WDR72: variants seen among roughly 807,000 people sequenced by gnomAD.
The protein encoded by WDR72 is WD repeat-containing protein 72.
Under a neutral mutation model 124.2 loss-of-function variants are expected in WDR72, and 120 were observed. That is an observed-to-expected ratio of 0.97 (90% CI 0.83 to 1.12). WDR72 has a LOEUF of 1.12. Among genes scored for constraint, WDR72 ranks in the 50% most tolerant of loss-of-function variants. The pLI is 0.00. For synonymous variants in WDR72, 452 were observed against 441.7 expected, an observed-to-expected ratio of 1.02 and a Z score of -0.29; for missense variants, 1,387 against 1,278.8, an observed-to-expected ratio of 1.08 and a Z score of -1.29.
chr15:53,733,204 T>C, intron 1 of WDR72, 43 bp from the exon 2 acceptor site: 1 of 1,607,398 alleles, frequency 6.2e-7, no homozygotes, highest in Non-Finnish European at 8.5e-7. Context: ...GTCATCTTTT[T>C]GAAATTTGAG....
At chr15:53,674,502 C>T (rs2016098043) in intron 13 of WDR72, among the ~76,000 whole-genome samples, 1 of 152,082 alleles carries the variant, frequency 6.6e-6, no homozygotes, top group Admixed American at 6.5e-5. Flanking sequence ...GATGGGGGTT[C>T]CCACCACAAA....
At chr15:53,698,634 G>T (rs1243105708) in intron 13 of WDR72, among the ~76,000 whole-genome samples, 2 of 152,086 alleles carry the variant, frequency 1.3e-5, no homozygotes, top group Non-Finnish European at 2.9e-5. Flanking sequence ...AGGCTTTAGG[G>T]CCTATTTTAT....
intron 17 of WDR72, among the ~76,000 whole-genome samples, chr15:53,602,478 C>A (rs994856769): frequency 6.6e-6 from 1 of 151,546 alleles, no homozygotes; most frequent in African/African-American, 2.4e-5. Flanking sequence ...CCAGAAATAA[C>A]CAAAATCAGA....
At chr15:53,648,630 A>G (rs2015126450) in intron 14 of WDR72, among the ~76,000 whole-genome samples, 1 of 152,176 alleles carries the variant, frequency 6.6e-6, no homozygotes, top group Admixed American at 6.6e-5. Context: ...GTGTATTCAC[A>G]TAACGAATAA....
At chr15:53,642,851 A>G (rs2014903256) in intron 14 of WDR72, among the ~76,000 whole-genome samples, 1 of 152,076 alleles carries the variant, frequency 6.6e-6, no homozygotes, top group Non-Finnish European at 1.5e-5. Context: ...GTACAATGTA[A>G]ATGCTATTTT....
At chr15:53,750,105 C>G (rs1209763195) in intron 1 of WDR72, among the ~76,000 whole-genome samples, 1 of 152,054 alleles carries the variant, frequency 6.6e-6, no homozygotes, top group African/African-American at 2.4e-5. Context: ...GATGAAACAC[C>G]TTTTTATTGG....
At chr15:53,700,253 T>C (rs2017131414) in intron 12 of WDR72, among the ~76,000 whole-genome samples, 1 of 152,148 alleles carries the variant, frequency 6.6e-6, no homozygotes, top group South Asian at 2.1e-4. Flanking sequence ...ACATCGGAAA[T>C]AATGCAGAAT....
intron 13 of WDR72, among the ~76,000 whole-genome samples, chr15:53,673,852 G>A (rs1384891051): frequency 3.3e-5 from 5 of 152,020 alleles, no homozygotes; most frequent in Non-Finnish European, 5.9e-5. Flanking sequence ...TTAGCCAGGC[G>A]TGGTGCTGCA....
At chr15:53,624,147 T>C (rs745877947) in intron 14 of WDR72, among the ~76,000 whole-genome samples, 1 of 152,150 alleles carries the variant, frequency 6.6e-6, no homozygotes, top group Non-Finnish European at 1.5e-5. Context: ...TAAGAAGGTA[T>C]GCATATAGCG....
intron 18 of WDR72, among the ~76,000 whole-genome samples, chr15:53,545,848 G>T (rs1462286058): frequency 4.9e-4 from 62 of 127,728 alleles, no homozygotes; most frequent in African/African-American, 1.9e-3. Flanking sequence ...CAAAAAGTGG[G>T]CGAAGGACAT....
intron 18 of WDR72, among the ~76,000 whole-genome samples, chr15:53,593,986 T>C (rs1001496512): frequency 2.0e-5 from 3 of 151,990 alleles, no homozygotes; most frequent in African/African-American, 7.2e-5. Context: ...AACATGAACA[T>C]TTTAAAAATG....
At chr15:53,736,839 T>G (rs1033936135) in intron 1 of WDR72, among the ~76,000 whole-genome samples, 1 of 152,076 alleles carries the variant, frequency 6.6e-6, no homozygotes, top group Non-Finnish European at 1.5e-5. Flanking sequence ...CATAACAGAC[T>G]GATGGCAAAT....
At chr15:53,749,522 A>G (rs913035879) in intron 1 of WDR72, among the ~76,000 whole-genome samples, 1 of 152,114 alleles carries the variant, frequency 6.6e-6, no homozygotes, top group African/African-American at 2.4e-5. Flanking sequence ...ACACTATTAA[A>G]ATTAGGTCAA....
intron 12 of WDR72, among the ~76,000 whole-genome samples, chr15:53,700,684 C>T (rs1279053646): frequency 6.6e-6 from 1 of 152,128 alleles, no homozygotes; most frequent in East Asian, 1.9e-4. Flanking sequence ...CATCATTAAC[C>T]TCTCTGGAGG....
intron 18 of WDR72, among the ~76,000 whole-genome samples, chr15:53,582,835 G>A (rs2012003256): frequency 6.6e-6 from 1 of 151,742 alleles, no homozygotes; most frequent in South Asian, 2.1e-4. Flanking sequence ...CTAATAGTTG[G>A]CTTTTATAAT....
chr15:53,620,966 A>T (rs911487448), intron 14 of WDR72, among the ~76,000 whole-genome samples: 2 of 152,148 alleles, frequency 1.3e-5, no homozygotes, highest in African/African-American at 4.8e-5. Context: ...AAATACAAAC[A>T]ATTCCATCAA....
intron 3 of WDR72, among the ~76,000 whole-genome samples, 163 bp downstream of exon 3, chr15:53,722,639 T>C (rs1185328010): frequency 6.6e-6 from 1 of 152,180 alleles, no homozygotes; most frequent in Non-Finnish European, 1.5e-5. Flanking sequence ...TTCCTTGGGA[T>C]CATCACACAA....
At chr15:53,692,663 G>A (rs1192895760) in intron 13 of WDR72, among the ~76,000 whole-genome samples, 1 of 152,098 alleles carries the variant, frequency 6.6e-6, no homozygotes, top group Non-Finnish European at 1.5e-5. Context: ...AAACTGCAAA[G>A]TTCATATACA....
chr15:53,740,015 G>T (rs2140877655), intron 1 of WDR72, among the ~76,000 whole-genome samples: 1 of 152,294 alleles, frequency 6.6e-6, no homozygotes, highest in Non-Finnish European at 1.5e-5. Flanking sequence ...TATTTGTAAT[G>T]ATTAACATTA....
Sources: allele counts gnomAD v4.1 joint callset (sites outside exome capture counted in the v4.1 genomes callset), GRCh38; gene constraint gnomAD v4.1.1; transcripts MANE v1.5; gene names NCBI Gene and HGNC (gene_info 2026-07-23, HGNC 2026-07-21).